H2BC5: variants seen among roughly 807,000 people sequenced by gnomAD.
H2BC5 encodes the protein histone H2B type 1-D.
Under a neutral mutation model 5.7 loss-of-function variants are expected in H2BC5, and 9 were observed. The observed-to-expected ratio is 1.57, with a 90% CI of 0.95 to 2.74. The LOEUF (loss-of-function observed/expected upper bound fraction) is 2.74. Ranked by LOEUF, H2BC5 falls within the 30% of genes most tolerant of loss-of-function variation. H2BC5 has a pLI of 0.00. For synonymous variants in H2BC5, 133 were observed against 70.9 expected (o/e 1.88, Z -4.40); for missense variants, 175 against 168.8 (o/e 1.04, Z -0.20).
At chr6:26,165,617 G>A (rs1764409610) in intron 1 of H2BC5, among the ~76,000 whole-genome samples, 3 of 152,180 alleles carry the variant, frequency 2.0e-5, no homozygotes, top group Admixed American at 2.0e-4. Context: ...CTACCCCAGA[G>A]AGAAAAGGTG....
At chr6:26,166,066 A>C (rs1764418477) in intron 1 of H2BC5, among the ~76,000 whole-genome samples, 2 of 152,164 alleles carry the variant, frequency 1.3e-5, no homozygotes, top group South Asian at 4.1e-4. Context: ...TCTCAGTGGG[A>C]TCTGGGCAAC....
downstream of H2BC5, among the ~76,000 whole-genome samples, chr6:26,161,638 G>A (rs1366370856): frequency 6.6e-6 from 1 of 152,090 alleles, no homozygotes; most frequent in African/African-American, 2.4e-5. Context: ...CAGGCATGGT[G>A]GTGCGTGCTT....
At chr6:26,158,670 C>T, downstream of H2BC5, 1 of 1,414,614 alleles carries the variant, frequency 7.1e-7, no homozygotes, top group Non-Finnish European at 9.6e-7. Flanking sequence ...CTTAGCACCA[C>T]AGTACCAATC....
chr6:26,158,623 A>G, downstream of H2BC5: 1 of 1,573,016 alleles, frequency 6.4e-7, no homozygotes, highest in Non-Finnish European at 8.6e-7. Flanking sequence ...TCAATAAATG[A>G]GTTGTAATCA....
At chr6:26,159,021 C>T (rs1367584431), downstream of H2BC5, among the ~76,000 whole-genome samples, 2 of 152,114 alleles carry the variant, frequency 1.3e-5, no homozygotes, top group African/African-American at 4.8e-5. Flanking sequence ...TATGTAATAA[C>T]TGCAAGTAAA....
chr6:26,162,514 T>C (rs1036041844), downstream of H2BC5, among the ~76,000 whole-genome samples: 2 of 152,134 alleles, frequency 1.3e-5, no homozygotes, highest in African/African-American at 4.8e-5. Flanking sequence ...GTAGTCTTCA[T>C]TGTGTTAATG....
chr6:26,166,039 G>C (rs1305355724), intron 1 of H2BC5, among the ~76,000 whole-genome samples: 2 of 152,196 alleles, frequency 1.3e-5, no homozygotes, highest in African/African-American at 2.4e-5. Context: ...TGGATACAGG[G>C]ATAACTCCTT....
intron 1 of H2BC5, among the ~76,000 whole-genome samples, chr6:26,165,005 T>C (rs1764399451): frequency 6.6e-6 from 1 of 152,026 alleles, no homozygotes; most frequent in Admixed American, 6.6e-5. Context: ...GAGATGCTGC[T>C]CATATCAGGA....
chr6:26,170,691 C>A (rs1052507423), intron 1 of H2BC5, among the ~76,000 whole-genome samples: 1 of 152,058 alleles, frequency 6.6e-6, no homozygotes, highest in Non-Finnish European at 1.5e-5. Flanking sequence ...CTTTTCAGGT[C>A]AAAAATGAAA....
At chr6:26,171,329 A>C (rs532466395) in exon 2 of H2BC5, 3 of 152,220 alleles carry the variant, frequency 2.0e-5, no homozygotes, top group African/African-American at 4.8e-5. Context: ...ATAATTAATA[A>C]AATCTGCGGA....
downstream of H2BC5, among the ~76,000 whole-genome samples, chr6:26,159,117 C>T (rs1764300760): frequency 1.3e-5 from 2 of 151,950 alleles, no homozygotes; most frequent in African/African-American, 2.4e-5. Context: ...GTCTGAAGCT[C>T]TTAAGCGAGT....
At chr6:26,166,401 G>A (rs539592020) in intron 1 of H2BC5, among the ~76,000 whole-genome samples, 6 of 152,102 alleles carry the variant, frequency 3.9e-5, no homozygotes, top group Non-Finnish European at 8.8e-5. Flanking sequence ...CTGGCCTCCT[G>A]GACCCCCTCC....
intron 1 of H2BC5, among the ~76,000 whole-genome samples, chr6:26,169,787 C>T (rs1166286577): frequency 3.3e-5 from 5 of 151,744 alleles, no homozygotes; most frequent in African/African-American, 7.3e-5. Flanking sequence ...GGTGAAACCC[C>T]GTCTCTACTA....
chr6:26,162,486 G>A (rs1561969467), downstream of H2BC5, among the ~76,000 whole-genome samples: 2 of 152,136 alleles, frequency 1.3e-5, no homozygotes, highest in Non-Finnish European at 2.9e-5. Context: ...TTGTGTGTAT[G>A]TGCATGGATG....
intron 1 of H2BC5, among the ~76,000 whole-genome samples, chr6:26,165,628 A>C (rs1259907827): frequency 6.6e-6 from 1 of 152,154 alleles, no homozygotes; most frequent in Non-Finnish European, 1.5e-5. Flanking sequence ...AGAAAAGGTG[A>C]ACACCCACAG....
downstream of H2BC5, among the ~76,000 whole-genome samples, chr6:26,160,085 A>G (rs906468719): frequency 5.9e-5 from 9 of 152,206 alleles, no homozygotes; most frequent in African/African-American, 1.9e-4. Context: ...TAAAAAAGTC[A>G]GCTCCGAAGT....
intron 1 of H2BC5, among the ~76,000 whole-genome samples, chr6:26,168,526 T>A (rs1489094227): frequency 6.6e-6 from 1 of 151,982 alleles, no homozygotes; most frequent in Non-Finnish European, 1.5e-5. Flanking sequence ...GTAAAAAATT[T>A]ATGAACATAA....
Position 26,158,200 on chromosome 6 carries a change from C to T in H2BC5, c.31C>T (p.Pro11Ser), listed in dbSNP as rs759169089. The T allele has an allele frequency of 5.0e-6, 8 of 1,614,006 alleles. No individual in the cohort carries two copies. The highest frequency in any genetic ancestry group is 4.0e-5 in the African/African-American group (3 of 74,902). MPEPTKSAPA[P>S]KKGSKKAVTK... The stretch of plus-strand genomic sequence containing the variant: ...TGAACCTACCAAGTCTGCTCCTGCC[C>T]CAAAGAAGGGCTCCAAGAAGGCGGT... Residue 11 changes from proline (P) to serine (S), a missense_variant, in exon 1 of 1, where the codon CCA (proline) becomes TCA (serine). Physicochemically the swap from Pro to Ser is moderately conservative, Grantham distance 74 (BLOSUM62 -1). Coordinates refer to ENST00000377777, the MANE Select transcript of H2BC5 (RefSeq NM_021063.4).
In H2BC5 at chr6:26,158,149, G is replaced by C. The variant is rs368133122; in HGVS notation, c.-21G>C. On this transcript the variant is annotated 5_prime_UTR_variant, in exon 1 of 1. Coordinates refer to ENST00000377777, the MANE Select transcript of H2BC5 (RefSeq NM_021063.4). ...TATTTTCTCAGGTGTTTGCAACAGT[G>C]TTCTAACTATTAACGCTACGATGCC... The C allele has an allele frequency of 1.9e-6, 3 of 1,607,260 alleles. No homozygotes were observed. The highest frequency in any genetic ancestry group is 2.7e-5 in the African/African-American group (2 of 74,452).
Sources: gnomAD v4.1 joint callset for allele counts (sites outside exome capture counted in the v4.1 genomes callset) on GRCh38, gnomAD v4.1.1 for gene constraint, MANE v1.5 for transcripts, NCBI Gene and HGNC (gene_info 2026-07-23, HGNC 2026-07-21) for gene names.